GULP1: variants seen among roughly 807,000 people sequenced by gnomAD.
GULP1 encodes the protein GULP PTB domain containing engulfment adaptor 1.
A neutral mutation model predicts 40.9 loss-of-function variants in GULP1; 19 were observed. The observed-to-expected ratio is 0.46, with a 90% CI of 0.32 to 0.68. The LOEUF (loss-of-function observed/expected upper bound fraction) is 0.68, where lower values mean the gene tolerates loss of function less well. Ranked by LOEUF, GULP1 falls within the 30% of genes least tolerant of loss-of-function variation. The probability of loss-of-function intolerance (pLI) is 0.03; values close to 1 mark genes in which losing one functional copy is unlikely to be tolerated. For missense variants in GULP1, 312 were observed against 362.2 expected (o/e 0.86, Z 1.12); for synonymous variants, 119 against 117.6 (o/e 1.01, Z -0.08).
intron 2 of GULP1, among the ~76,000 whole-genome samples, chr2:188,422,044 C>T (rs572655344): frequency 4.6e-4 from 68 of 148,192 alleles, no homozygotes; most frequent in African/African-American, 1.4e-3. Flanking sequence ...AAGAAATATT[C>T]GCAACTTAAA....
intron 4 of GULP1, among the ~76,000 whole-genome samples, chr2:188,518,914 A>G (rs944612892): frequency 3.3e-5 from 5 of 152,176 alleles, no homozygotes; most frequent in African/African-American, 9.7e-5. Context: ...GGACTTTCCT[A>G]ACATTCTCAG....
At chr2:188,366,329 A>G (rs1432193873) in intron 1 of GULP1, among the ~76,000 whole-genome samples, 1 of 152,212 alleles carries the variant, frequency 6.6e-6, no homozygotes, top group Non-Finnish European at 1.5e-5. Context: ...GAAAGGCAGA[A>G]TTATTTTCCC....
chr2:188,418,477 C>A (rs185048948), intron 2 of GULP1, among the ~76,000 whole-genome samples: 1 of 151,972 alleles, frequency 6.6e-6, no homozygotes, highest in African/African-American at 2.4e-5. Flanking sequence ...ACTAAAAATA[C>A]AAAAAATTAG....
chr2:188,502,217 T>C (rs2153159742), intron 4 of GULP1, among the ~76,000 whole-genome samples: 1 of 151,726 alleles, frequency 6.6e-6, no homozygotes, highest in East Asian at 2.0e-4. Flanking sequence ...GGGAGAGAGC[T>C]GCATCTGATA....
In GULP1 at chr2:188,436,030, C is replaced by T. The variant is rs759298161; in HGVS notation, c.-44-41629C>T. On this transcript the variant is annotated intron_variant, in intron 2 of 11. Coordinates refer to ENST00000409830, the MANE Select transcript of GULP1 (RefSeq NM_016315.4). The stretch of plus-strand genomic sequence containing the variant: ...TGAGACCTTAATTATATCTACAAAA[C>T]CTCTCCATCTTTACCATGTAACTTA... Among the ~76,000 whole-genome samples, 126 of 152,168 alleles carry T rather than the reference C, an allele frequency of 8.3e-4. 1 individual carries two copies. Among genetic ancestry groups the T allele is most frequent in the Non-Finnish European group, 1.5e-3 (102 of 67,952 alleles).
At chr2:188,485,419 A>G (rs1253179029) in intron 4 of GULP1, among the ~76,000 whole-genome samples, 2 of 152,032 alleles carry the variant, frequency 1.3e-5, no homozygotes, top group East Asian at 1.9e-4. Context: ...GATAATATAT[A>G]TTGTATGTGT....
At chr2:188,486,132 A>T (rs2061842379) in intron 4 of GULP1, among the ~76,000 whole-genome samples, 1 of 152,036 alleles carries the variant, frequency 6.6e-6, no homozygotes, top group African/African-American at 2.4e-5. Flanking sequence ...TTGTAAATGA[A>T]TCCAACAGGA....
intron 1 of GULP1, among the ~76,000 whole-genome samples, chr2:188,297,339 T>G (rs1050797575): frequency 2.0e-5 from 3 of 152,082 alleles, no homozygotes; most frequent in Non-Finnish European, 4.4e-5. Flanking sequence ...AGTTAACTAC[T>G]GTAAGAAGGT....
intron 1 of GULP1, among the ~76,000 whole-genome samples, chr2:188,331,167 G>A (rs1452685764): frequency 6.6e-6 from 1 of 152,020 alleles, no homozygotes; most frequent in African/African-American, 2.4e-5. Flanking sequence ...TTGAGCCTTA[G>A]CATTCTTTAA....
Position 188,459,407 on chromosome 2 carries a change from G to A in GULP1, c.-44-18252G>A, listed in dbSNP as rs531527601. On this transcript the variant is annotated intron_variant, in intron 2 of 11. Coordinates refer to ENST00000409830, the MANE Select transcript of GULP1 (RefSeq NM_016315.4). ...GCCATTTTAATGGGAGGGAAAGAAT[G>A]TACTTTCTGAGGCTACAGAAAATAC... is the stretch of plus-strand genomic sequence containing the variant. Among the ~76,000 whole-genome samples, 15 of 152,096 alleles carry A rather than the reference G, an allele frequency of 9.9e-5. No homozygotes were observed. The South Asian group carries it at 2.9e-3, about 29-fold the overall frequency.
intron 4 of GULP1, among the ~76,000 whole-genome samples, chr2:188,505,552 A>G (rs910532629): frequency 1.3e-5 from 2 of 151,826 alleles, no homozygotes; most frequent in Non-Finnish European, 2.9e-5. Flanking sequence ...ATAAATATAG[A>G]ATCACACACT....
At chr2:188,470,094 C>G (rs1400658539) in intron 2 of GULP1, among the ~76,000 whole-genome samples, 2 of 151,664 alleles carry the variant, frequency 1.3e-5, no homozygotes, top group Non-Finnish European at 2.9e-5. Flanking sequence ...TGGAAGTATT[C>G]TCTCCTCCTC....
intron 2 of GULP1, among the ~76,000 whole-genome samples, chr2:188,448,062 C>T (rs1197450059): frequency 6.6e-6 from 1 of 152,082 alleles, no homozygotes; most frequent in African/African-American, 2.4e-5. Flanking sequence ...TGTGCCAGGT[C>T]CAAACAAAGG....
chr2:188,581,486 T>C (rs1701319405), intron 9 of GULP1, among the ~76,000 whole-genome samples: 1 of 152,212 alleles, frequency 6.6e-6, no homozygotes, highest in Admixed American at 6.5e-5. Flanking sequence ...CCATTTTGGC[T>C]GCTGTTTAAT....
chr2:188,330,853 T>C lies in GULP1; in HGVS notation c.-172+38687T>C, dbSNP rs374761383. 1.1e-4 allele frequency among the ~76,000 whole-genome samples: 17 copies of C among 152,298 alleles called. No homozygotes were observed. The East Asian group carries it at 2.3e-3, about 21-fold the overall frequency. On this transcript the variant is annotated intron_variant, in intron 1 of 11. Coordinates refer to ENST00000409830, the MANE Select transcript of GULP1 (RefSeq NM_016315.4). The stretch of plus-strand genomic sequence containing the variant: ...GTCTCTCTCTCAGCTCCCCCGACAA[T>C]GGGTCAGGTATGCCAAAGATGCCTG...
intron 2 of GULP1, among the ~76,000 whole-genome samples, chr2:188,445,265 T>G (rs1029893366): frequency 2.0e-5 from 3 of 151,846 alleles, no homozygotes; most frequent in African/African-American, 7.3e-5. Flanking sequence ...AAATGAAAAT[T>G]ATAGTAGAAA....
chr2:188,478,910 C>T (rs1216598083), intron 3 of GULP1, among the ~76,000 whole-genome samples: 4 of 152,022 alleles, frequency 2.6e-5, no homozygotes, highest in Admixed American at 6.6e-5. Flanking sequence ...CACATAGTAA[C>T]GTGCCCAGAT....
intron 2 of GULP1, among the ~76,000 whole-genome samples, chr2:188,434,588 T>A (rs1410617896): frequency 6.6e-5 from 10 of 151,788 alleles, no homozygotes; most frequent in Admixed American, 6.6e-4. Context: ...TCTTCTTTTT[T>A]TATTTGAACA....
intron 2 of GULP1, among the ~76,000 whole-genome samples, chr2:188,453,406 A>C (rs2058996671): frequency 6.6e-6 from 1 of 152,046 alleles, no homozygotes; most frequent in Admixed American, 6.6e-5. Flanking sequence ...CTTCATGGAA[A>C]CGTTTACATG....
Sources: gnomAD v4.1 joint callset for allele counts (sites outside exome capture counted in the v4.1 genomes callset) on GRCh38, gnomAD v4.1.1 for gene constraint, MANE v1.5 for transcripts, NCBI Gene and HGNC (gene_info 2026-07-23, HGNC 2026-07-21) for gene names.